The following PCSK2 variants were observed in gnomAD, a reference collection of about 807,000 sequenced individuals.
PCSK2 encodes the protein neuroendocrine convertase 2.
A neutral mutation model predicts 69.7 loss-of-function variants in PCSK2; 14 were observed. The ratio of observed to expected loss-of-function variants is 0.20; its 90% confidence interval spans 0.13 to 0.31. The LOEUF (loss-of-function observed/expected upper bound fraction) is 0.31, where lower values mean the gene tolerates loss of function less well. Ranked by LOEUF, PCSK2 falls within the 10% of genes least tolerant of loss-of-function variation. The probability of loss-of-function intolerance (pLI) is 1.00; values close to 1 mark genes in which losing one functional copy is unlikely to be tolerated. For synonymous variants in PCSK2, 307 were observed against 320.7 expected, an observed-to-expected ratio of 0.96 and a Z score of 0.46; for missense variants, 544 against 842.5, an observed-to-expected ratio of 0.65 and a Z score of 4.39.
chr20:17,351,054 A>T (rs955157837), intron 2 of PCSK2, among the ~76,000 whole-genome samples: 24 of 151,958 alleles, frequency 1.6e-4, no homozygotes, highest in African/African-American at 5.6e-4. Flanking sequence ...AAAAAAAAAA[A>T]AATTAATGTA....
At chr20:17,291,823 A>C (rs940088026) in intron 2 of PCSK2, among the ~76,000 whole-genome samples, 21 of 152,200 alleles carry the variant, frequency 1.4e-4, no homozygotes, top group South Asian at 2.1e-4. Flanking sequence ...CCACAAAGTC[A>C]TAAGGAACCT....
intron 2 of PCSK2, among the ~76,000 whole-genome samples, chr20:17,330,628 C>T (rs1025794646): frequency 6.6e-6 from 1 of 151,760 alleles, no homozygotes; most frequent in African/African-American, 2.4e-5. Context: ...AATAAAAATA[C>T]ATAAATTAAA....
At chr20:17,381,433 A>C (rs1297314780) in intron 5 of PCSK2, among the ~76,000 whole-genome samples, 2 of 152,120 alleles carry the variant, frequency 1.3e-5, no homozygotes, top group Non-Finnish European at 2.9e-5. Context: ...ATGTTTTATA[A>C]CTCAAGCATT....
Position 17,227,451 on chromosome 20 carries a change from T to C in PCSK2, c.146T>C (p.Val49Ala), listed in dbSNP as rs1044793989. Residue 49 changes from valine to alanine, a missense_variant, in exon 1 of 12, where the codon GTT becomes GCT. By Grantham distance (64) the Val-to-Ala change is moderately conservative (BLOSUM62 0). Around this residue, in one of 3 missense-constraint regions of PCSK2, gnomAD observed 157 missense variants for 155.0 expected, o/e 1.01. Coordinates refer to ENST00000262545, the MANE Select transcript of PCSK2 (RefSeq NM_002594.5). ...GGGGGAGAGGACAAAGCTCGCCAAG[T>C]TGCAGCAGAACACGGCTTTGGAGTC... ...HKGGEDKARQ[V>A]AAEHGFGVRK... 6.2e-7 allele frequency: 1 copy of C among 1,613,898 alleles called. No individual in the cohort carries two copies. Among genetic ancestry groups the C allele is most frequent in the Non-Finnish European group, 8.5e-7 (1 of 1,179,990 alleles).
At chr20:17,340,844 C>T (rs147775730) in intron 2 of PCSK2, among the ~76,000 whole-genome samples, 1 of 152,292 alleles carries the variant, frequency 6.6e-6, no homozygotes, top group East Asian at 1.9e-4. Flanking sequence ...TTTACCCAAA[C>T]CCAGAATTCA....
At chr20:17,285,335 G>A (rs1023407557) in intron 2 of PCSK2, among the ~76,000 whole-genome samples, 24 of 152,272 alleles carry the variant, frequency 1.6e-4, no homozygotes, top group African/African-American at 5.3e-4. Context: ...TTTGTGTAAG[G>A]AATACAGCAG....
intron 2 of PCSK2, among the ~76,000 whole-genome samples, chr20:17,307,729 ATAAT>A (rs1425981424): frequency 1.3e-5 from 2 of 152,340 alleles, no homozygotes; most frequent in South Asian, 2.1e-4. Flanking sequence ...TATGAAACAG[ATAAT>A]TAATTTAAAA....
At chr20:17,296,187 G>A (rs762671716) in intron 2 of PCSK2, among the ~76,000 whole-genome samples, 6 of 152,154 alleles carry the variant, frequency 3.9e-5, no homozygotes, top group African/African-American at 9.7e-5. Flanking sequence ...GCTCCCTTGG[G>A]CCACAGACGT....
At chr20:17,372,922 A>G (rs2030814788) in intron 5 of PCSK2, among the ~76,000 whole-genome samples, 1 of 152,212 alleles carries the variant, frequency 6.6e-6, no homozygotes, top group Non-Finnish European at 1.5e-5. Context: ...CACAATGAGG[A>G]CAGCAAATAG....
intron 8 of PCSK2, among the ~76,000 whole-genome samples, chr20:17,440,876 A>T (rs1404912137): frequency 6.6e-6 from 1 of 152,036 alleles, no homozygotes; most frequent in Non-Finnish European, 1.5e-5. Flanking sequence ...AAAAAAAAAA[A>T]AAATGCACCA....
At chr20:17,271,401 A>G (rs1987861241) in intron 2 of PCSK2, among the ~76,000 whole-genome samples, 1 of 152,112 alleles carries the variant, frequency 6.6e-6, no homozygotes, top group African/African-American at 2.4e-5. Context: ...AATAAAAAAT[A>G]ATGTTTGAAA....
intron 2 of PCSK2, among the ~76,000 whole-genome samples, chr20:17,353,465 CAA>C (rs34448859): frequency 6.9e-6 from 1 of 145,220 alleles, no homozygotes. Flanking sequence ...CTCCATCACA[CAA>C]AAAAAAAAAA....
chr20:17,447,102 T>A (rs6136093), intron 8 of PCSK2, among the ~76,000 whole-genome samples: 10,578 of 94,358 alleles, frequency 0.11, 476 homozygotes, highest in East Asian at 0.26. Context: ...CTAAAAAAAA[T>A]AAATAAAGAA....
At chr20:17,459,926 G>A (rs529497785) in intron 10 of PCSK2, among the ~76,000 whole-genome samples, 28 of 152,290 alleles carry the variant, frequency 1.8e-4, no homozygotes, top group Non-Finnish European at 3.1e-4. Flanking sequence ...CCTCTGATTA[G>A]GTGTTGGTAT....
intron 11 of PCSK2, among the ~76,000 whole-genome samples, chr20:17,469,137 C>G (rs1384871350): frequency 6.6e-6 from 1 of 152,248 alleles, no homozygotes; most frequent in Non-Finnish European, 1.5e-5. Context: ...TCTGTGTCCA[C>G]ACATCATTTC....
At chr20:17,427,319 T>C (rs1265259499) in intron 6 of PCSK2, among the ~76,000 whole-genome samples, 2 of 152,142 alleles carry the variant, frequency 1.3e-5, no homozygotes, top group African/African-American at 2.4e-5. Context: ...AGTGAGATGA[T>C]CAAATCACTC....
intron 2 of PCSK2, among the ~76,000 whole-genome samples, chr20:17,350,312 T>C (rs1272964617): frequency 2.0e-5 from 3 of 151,370 alleles, no homozygotes; most frequent in African/African-American, 7.3e-5. Flanking sequence ...TTTTACACAA[T>C]CAAGGACATC....
At chr20:17,317,204 AAAG>A (rs1377976517) in intron 2 of PCSK2, among the ~76,000 whole-genome samples, 2 of 152,172 alleles carry the variant, frequency 1.3e-5, no homozygotes, top group African/African-American at 4.8e-5. Flanking sequence ...TCTCCCTAAT[AAAG>A]AAGAACTTGA....
At chr20:17,281,945 C>G (rs1467098222) in intron 2 of PCSK2, among the ~76,000 whole-genome samples, 2 of 152,186 alleles carry the variant, frequency 1.3e-5, no homozygotes, top group East Asian at 3.9e-4. Flanking sequence ...GACTGTTGCC[C>G]TTAGGTACCT....
Sources: gnomAD v4.1 joint callset for allele counts (sites outside exome capture counted in the v4.1 genomes callset) on GRCh38, gnomAD v4.1.1 for gene constraint, gnomAD v4.1.1 regional missense constraint, MANE v1.5 for transcripts, NCBI Gene and HGNC (gene_info 2026-07-23, HGNC 2026-07-21) for gene names.